Variants in NLRP7 observed in about 807,000 individuals in gnomAD.
NLRP7 encodes NACHT, LRR and PYD domains-containing protein 7.
Under a neutral mutation model 85.5 loss-of-function variants are expected in NLRP7, and 72 were observed. That is an observed-to-expected ratio of 0.84 (90% CI 0.70 to 1.02). NLRP7 has a LOEUF of 1.02. Ranked by LOEUF, NLRP7 falls within the 50% of genes least tolerant of loss-of-function variation. NLRP7 has a pLI of 0.00. For synonymous variants in NLRP7, 550 were observed against 505.2 expected (o/e 1.09, Z -1.19); for missense variants, 1,243 against 1,219.5 (o/e 1.02, Z -0.29).
upstream of NLRP7, among the ~76,000 whole-genome samples, chr19:54,949,640 G>A (rs1026010218): frequency 6.6e-6 from 1 of 151,998 alleles, no homozygotes; most frequent in Non-Finnish European, 1.5e-5. Context: ...CAAGTGCGAG[G>A]GACTGGCTGC....
chr19:54,944,825 A>G (rs1176377950), intron 1 of NLRP7, among the ~76,000 whole-genome samples: 5 of 152,108 alleles, frequency 3.3e-5, no homozygotes, highest in Non-Finnish European at 5.9e-5. Flanking sequence ...AGTGTACAGC[A>G]TGGAGCGATG....
chr19:54,963,876 C>A (rs2070168831), intron 1 of NLRP7, among the ~76,000 whole-genome samples: 2 of 147,632 alleles, frequency 1.4e-5, no homozygotes, highest in Admixed American at 1.4e-4. Flanking sequence ...GCTATAAAAC[C>A]CAACTTTTTT....
chr19:54,955,559 A>G (rs73605963), intron 1 of NLRP7, among the ~76,000 whole-genome samples: 13,150 of 152,112 alleles, frequency 0.086, 652 homozygotes, highest in Non-Finnish European at 0.098. Context: ...GCATGTTGGG[A>G]AGCTGAGGTG....
At chr19:54,947,481 A>C in exon 1 of NLRP7, 4 of 1,289,758 alleles carry the variant, frequency 3.1e-6, no homozygotes, top group Non-Finnish European at 4.0e-6. Flanking sequence ...CCCTCAGGTC[A>C]GGTCTTGCTT....
chr19:54,962,003 G>T (rs1186786492), intron 1 of NLRP7, among the ~76,000 whole-genome samples: 1 of 148,756 alleles, frequency 6.7e-6, no homozygotes, highest in South Asian at 2.2e-4. Context: ...ATCTCTACTA[G>T]AACTACAAAA....
At position 54,941,012 on chromosome 19, in the gene NLRP7, A is replaced by C. The variant is rs1287869906; in HGVS notation, c.278-7T>G. 4 of 1,589,274 alleles carry C rather than the reference A, an allele frequency of 2.5e-6. No homozygotes were observed. Among genetic ancestry groups the C allele is most frequent in the African/African-American group, 2.7e-5 (2 of 74,416 alleles). ...TCTTGCACCTGTCCGTCCTCTGTAA[A>C]ATACTTAGATGTAAGCCTGACACAG... On this transcript the variant is annotated splice_polypyrimidine_tract_variant and splice_region_variant and intron_variant, in intron 2 of 9. Coordinates refer to ENST00000340844, the Ensembl canonical transcript of NLRP7.
intron 4 of NLRP7, among the ~76,000 whole-genome samples, chr19:54,938,466 G>A (rs1372095964): frequency 6.6e-6 from 1 of 152,188 alleles, no homozygotes; most frequent in Non-Finnish European, 1.5e-5. Flanking sequence ...GCTCATGCCT[G>A]TAATCCCAAC....
upstream of NLRP7, among the ~76,000 whole-genome samples, chr19:54,951,976 T>C (rs2069684251): frequency 2.0e-5 from 3 of 152,090 alleles, no homozygotes; most frequent in South Asian, 6.2e-4. Context: ...ATGGTCTCGA[T>C]CTCCTGACCT....
intron 1 of NLRP7, among the ~76,000 whole-genome samples, chr19:54,955,765 C>T (rs1010222631): frequency 4.6e-5 from 7 of 151,904 alleles, no homozygotes; most frequent in Non-Finnish European, 1.0e-4. Context: ...TCAGCCTGGG[C>T]GACACAGCAA....
chr19:54,962,260 A>G (rs1048649216), intron 1 of NLRP7, among the ~76,000 whole-genome samples: 2 of 142,754 alleles, frequency 1.4e-5, no homozygotes, highest in Non-Finnish European at 3.0e-5. Context: ...TATTCCCTCC[A>G]TCCCTCAATT....
chr19:54,930,276 G>A (rs1468440147), intron 9 of NLRP7, among the ~76,000 whole-genome samples: 1 of 151,692 alleles, frequency 6.6e-6, no homozygotes, highest in Admixed American at 6.6e-5. Flanking sequence ...AAACCAGCCC[G>A]GGAAAGATGA....
chr19:54,935,447 G>A (rs2068870987), intron 6 of NLRP7, among the ~76,000 whole-genome samples: 1 of 152,082 alleles, frequency 6.6e-6, no homozygotes, highest in South Asian at 2.1e-4. Context: ...TGTAATCCTA[G>A]CACTTTGGGA....
At chr19:54,950,210 C>A (rs568420248), upstream of NLRP7, among the ~76,000 whole-genome samples, 31 of 152,220 alleles carry the variant, frequency 2.0e-4, no homozygotes, top group Middle Eastern at 3.4e-3. Context: ...GACAGAAGCT[C>A]CTGCACTTCG....
At chr19:54,965,581 G>A (rs1412044001) in intron 1 of NLRP7, among the ~76,000 whole-genome samples, 2 of 64,122 alleles carry the variant, frequency 3.1e-5, no homozygotes, top group African/African-American at 7.1e-5. Flanking sequence ...TCAGCCTCCC[G>A]AGTAGCTGGG....
intron 1 of NLRP7, among the ~76,000 whole-genome samples, chr19:54,946,662 C>T (rs997273697): frequency 2.2e-4 from 33 of 148,336 alleles, no homozygotes; most frequent in Non-Finnish European, 6.0e-5. Flanking sequence ...TTTTTTGAGA[C>T]GGAGTCGCAC....
At chr19:54,964,632 G>T (rs2070256910) in intron 1 of NLRP7, among the ~76,000 whole-genome samples, 1 of 151,292 alleles carries the variant, frequency 6.6e-6, no homozygotes, top group African/African-American at 2.4e-5. Context: ...AGACCAGCCT[G>T]GCCAGCATGG....
chr19:54,938,060 G>A, exon 5 of NLRP7: 1 of 1,613,814 alleles, frequency 6.2e-7, no homozygotes, highest in Middle Eastern at 1.7e-4. Context: ...TTCTGCAGAT[G>A]ACAGGTGCTA....
chr19:54,936,340 G>A (rs148111576), exon 6 of NLRP7: 8 of 1,613,920 alleles, frequency 5.0e-6, no homozygotes, highest in Non-Finnish European at 6.8e-6. Context: ...CACTCGATGT[G>A]CCCTGCCAGG....
At chr19:54,928,064 C>T (rs898963226) in intron 9 of NLRP7, among the ~76,000 whole-genome samples, 1 of 152,088 alleles carries the variant, frequency 6.6e-6, no homozygotes, top group African/African-American at 2.4e-5. Flanking sequence ...CCCATCTCTA[C>T]AAAAAATTAG....
Sources: allele counts gnomAD v4.1 joint callset (sites outside exome capture counted in the v4.1 genomes callset), GRCh38; gene constraint gnomAD v4.1.1; transcripts MANE v1.5; gene names NCBI Gene and HGNC (gene_info 2026-07-23, HGNC 2026-07-21).